Variants in PPP6R3 observed in about 807,000 individuals in gnomAD.
PPP6R3 encodes serine/threonine-protein phosphatase 6 regulatory subunit 3.
A neutral mutation model predicts 110.7 loss-of-function variants in PPP6R3; 38 were observed. That is an observed-to-expected ratio of 0.34 (90% CI 0.26 to 0.45). The LOEUF (loss-of-function observed/expected upper bound fraction) is 0.45, where lower values mean the gene tolerates loss of function less well. Among genes scored for constraint, PPP6R3 ranks in the 20% least tolerant of loss-of-function variants. The pLI is 1.00. For missense variants in PPP6R3, 870 were observed against 1,062.4 expected (o/e 0.82, Z 2.52); for synonymous variants, 369 against 373.5 (o/e 0.99, Z 0.14).
At chr11:68,477,741 A>AAAAAAATATATATATATATAT in intron 1 of PPP6R3, among the ~76,000 whole-genome samples, 24 of 57,902 alleles carry the variant, frequency 4.1e-4, no homozygotes, top group Non-Finnish European at 7.0e-4. Flanking sequence ...AAAAAAAAAA[A>AAAAAAATATATATATATATAT]ATATATATAT....
chr11:68,606,754 G>T (rs1940320208), intron 22 of PPP6R3, among the ~76,000 whole-genome samples: 1 of 152,178 alleles, frequency 6.6e-6, no homozygotes, highest in Non-Finnish European at 1.5e-5. Flanking sequence ...GCCAGTGTTA[G>T]GCAGTCCTGG....
chr11:68,603,076 A>G (rs1225065764), intron 21 of PPP6R3, among the ~76,000 whole-genome samples: 1 of 152,102 alleles, frequency 6.6e-6, no homozygotes, highest in Non-Finnish European at 1.5e-5. Context: ...GAAGCTGGGT[A>G]TGGAGGTGGA....
At chr11:68,527,546 G>A (rs1257187711) in intron 2 of PPP6R3, among the ~76,000 whole-genome samples, 2 of 152,178 alleles carry the variant, frequency 1.3e-5, no homozygotes, top group Admixed American at 1.3e-4. Flanking sequence ...TAGGAAATAC[G>A]AACTCTGTTG....
intron 4 of PPP6R3, 56 bp downstream of exon 4, chr11:68,545,080 T>G (rs2099344307): frequency 7.2e-6 from 10 of 1,379,662 alleles, no homozygotes; most frequent in Non-Finnish European, 1.0e-6. Flanking sequence ...CTTGAGGTGA[T>G]CCCCCAGTAC....
Position 68,598,256 on chromosome 11 carries a change from G to A in PPP6R3, c.2038+2038G>A, listed in dbSNP as rs544934375. ...TTCATCCCTGCTGTGGTGTATACAG[G>A]ATTTCCTTTTGTTCGAAGGCCGAAT... On this transcript the variant is annotated intron_variant, in intron 19 of 23. Transcript: ENST00000393800. Among the ~76,000 whole-genome samples, 6 of 152,250 alleles carry A rather than the reference G, an allele frequency of 3.9e-5. No individual in the cohort carries two copies. In the South Asian group the frequency reaches 1.0e-3, roughly 26 times the overall value.
Position 68,613,730 on chromosome 11 carries a change from G to GT in PPP6R3, c.*614dup, listed in dbSNP as rs1944569321. ...GTATTGTTTAAAACGGATCAAAAAT[G>GT]TAAGTCTATTGGTAGAGATTAAGTA... On this transcript the variant is annotated 3_prime_UTR_variant, in exon 24 of 24. Coordinates refer to ENST00000393800, the MANE Select transcript of PPP6R3 (RefSeq NM_001164161.2). 2.0e-6 allele frequency: 2 copies of GT among 975,708 alleles called. No individual in the cohort carries two copies. The highest frequency in any genetic ancestry group is 1.1e-4 in the East Asian group (1 of 8,716). 60.4% of individuals were successfully genotyped at this position (975,708 alleles called of 1,614,324 possible). A position where few individuals can be genotyped will look rare whatever the true frequency, so the allele number is the denominator to read the frequency against.
At chr11:68,466,440 T>C (rs895324906) in intron 1 of PPP6R3, among the ~76,000 whole-genome samples, 5 of 149,476 alleles carry the variant, frequency 3.3e-5, no homozygotes, top group Admixed American at 1.3e-4. Flanking sequence ...TTTCTTTTTT[T>C]TTTTTTTTTT....
intron 23 of PPP6R3, among the ~76,000 whole-genome samples, chr11:68,611,236 C>T (rs1184118919): frequency 6.6e-6 from 1 of 152,130 alleles, no homozygotes; most frequent in Non-Finnish European, 1.5e-5. Flanking sequence ...ATTATTTCAG[C>T]TCTCTGATTT....
intron 22 of PPP6R3, among the ~76,000 whole-genome samples, chr11:68,607,859 C>T (rs1371701862): frequency 6.6e-6 from 1 of 151,830 alleles, no homozygotes; most frequent in Non-Finnish European, 1.5e-5. Flanking sequence ...CTGTAACTTC[C>T]AACTCCTGAG....
intron 3 of PPP6R3, among the ~76,000 whole-genome samples, chr11:68,542,389 G>GTTTGTTTTT (rs2099321682): frequency 2.5e-5 from 1 of 40,188 alleles, no homozygotes; most frequent in African/African-American, 1.0e-4. Context: ...AGAAGCTGCT[G>GTTTGTTTTT]TTTTTTTTTT....
chr11:68,506,529 A>G (rs2153508545), intron 1 of PPP6R3, among the ~76,000 whole-genome samples: 2 of 152,030 alleles, frequency 1.3e-5, no homozygotes, highest in East Asian at 3.9e-4. Context: ...ACAATGCAGA[A>G]TAATTAAATC....
At chr11:68,584,696 C>T (rs780035041) in intron 15 of PPP6R3, among the ~76,000 whole-genome samples, 34 of 152,008 alleles carry the variant, frequency 2.2e-4, no homozygotes, top group Non-Finnish European at 4.1e-4. Context: ...TTTGTTTGAC[C>T]GACAGCTCAC....
intron 16 of PPP6R3, among the ~76,000 whole-genome samples, chr11:68,589,409 G>GGTAA (rs1179322176): frequency 2.0e-5 from 3 of 151,932 alleles, no homozygotes; most frequent in Non-Finnish European, 4.4e-5. Context: ...TTGCAGTCAG[G>GGTAA]GTAAGAAGCA....
At chr11:68,527,758 C>T (rs777752565) in intron 2 of PPP6R3, among the ~76,000 whole-genome samples, 12 of 152,234 alleles carry the variant, frequency 7.9e-5, no homozygotes, top group Non-Finnish European at 1.0e-4. Flanking sequence ...ACACACAGCC[C>T]TTTGTGGTCT....
chr11:68,588,669 T>A (rs2099586270), intron 16 of PPP6R3, among the ~76,000 whole-genome samples: 2 of 150,342 alleles, frequency 1.3e-5, no homozygotes, highest in Non-Finnish European at 3.0e-5. Context: ...ATGGTCTCAA[T>A]CTCCTGACCT....
intron 1 of PPP6R3, among the ~76,000 whole-genome samples, chr11:68,462,957 C>G (rs2098718989): frequency 6.6e-6 from 1 of 152,148 alleles, no homozygotes; most frequent in Non-Finnish European, 1.5e-5. Flanking sequence ...TATAGCAAAG[C>G]AAAGTCAACA....
chr11:68,593,211 C>T (rs1380883870), intron 18 of PPP6R3, among the ~76,000 whole-genome samples: 4 of 376 alleles, frequency 0.011, no homozygotes, highest in African/African-American at 0.036. Context: ...CCCCCACAAC[C>T]GTCTGTTTTT....
At chr11:68,578,242 A>G (rs1593465656) in intron 14 of PPP6R3, among the ~76,000 whole-genome samples, 2 of 152,166 alleles carry the variant, frequency 1.3e-5, no homozygotes, top group East Asian at 1.9e-4. Context: ...GTTGGGTACC[A>G]TGTTTCAGGA....
chr11:68,471,557 C>T (rs1424906411), intron 1 of PPP6R3, among the ~76,000 whole-genome samples: 1 of 152,078 alleles, frequency 6.6e-6, no homozygotes, highest in Admixed American at 6.6e-5. Flanking sequence ...GAGAGCTGTT[C>T]CCACATGGTG....
Sources: allele counts gnomAD v4.1 joint callset (sites outside exome capture counted in the v4.1 genomes callset), GRCh38; gene constraint gnomAD v4.1.1; transcripts MANE v1.5; gene names NCBI Gene and HGNC (gene_info 2026-07-23, HGNC 2026-07-21).